The following DTL variants were observed in gnomAD, a reference collection of about 807,000 sequenced individuals.
DTL encodes the protein denticleless protein homolog.
In DTL, 46 loss-of-function variants were observed where a neutral mutation model predicts 87.0. That is an observed-to-expected ratio of 0.53 (90% CI 0.42 to 0.68). The LOEUF is 0.68. Ranked by LOEUF, DTL falls within the 30% of genes least tolerant of loss-of-function variation. The pLI is 0.00. For synonymous variants in DTL, 308 were observed against 311.2 expected (o/e 0.99, Z 0.11); for missense variants, 737 against 869.4 (o/e 0.85, Z 1.91).
chr1:212,094,522 A>G (rs1265951453), intron 13 of DTL, among the ~76,000 whole-genome samples: 3 of 152,188 alleles, frequency 2.0e-5, no homozygotes, highest in Non-Finnish European at 4.4e-5. Context: ...TGTAGTTTGA[A>G]GTCAGGTAAT....
At chr1:212,065,058 G>A in intron 7 of DTL, 29 bp downstream of exon 7, 3 of 1,437,874 alleles carry the variant, frequency 2.1e-6, no homozygotes, top group Non-Finnish European at 2.9e-6. Flanking sequence ...ATACATGTGT[G>A]CAGATCTTAT....
intron 11 of DTL, among the ~76,000 whole-genome samples, chr1:212,075,060 G>T (rs1571966576): frequency 1.3e-5 from 2 of 152,194 alleles, no homozygotes; most frequent in South Asian, 4.1e-4. Context: ...AACTGATTTG[G>T]CATAGTCATT....
intron 8 of DTL, among the ~76,000 whole-genome samples, chr1:212,067,602 A>C (rs1430730890): frequency 6.6e-6 from 1 of 152,156 alleles, no homozygotes; most frequent in African/African-American, 2.4e-5. Context: ...TCTGAACCAA[A>C]TTCTCAGGCA....
Position 212,102,938 on chromosome 1 carries a change from T to C in DTL, c.2191T>C (p.Ter731GlnextTer4). ...FCGPEHSTEL[*>Q] is the part of the protein sequence containing the mutation. The stretch of plus-strand genomic sequence containing the variant: ...TGGTCCTGAACACTCAACAGAATTA[T>C]AGATTCTAATCTGAGTGAGTTACTG... Residue 731 changes from the stop codon to glutamine, a stop_lost, in exon 15 of 15, where the codon TAG becomes CAG. Transcript: ENST00000366991. The C allele has an allele frequency of 1.3e-6, 2 of 1,563,516 alleles. No individual in the cohort carries two copies. The highest frequency in any genetic ancestry group is 1.8e-6 in the Non-Finnish European group (2 of 1,136,222).
chr1:212,047,120 A>G (rs939416540), intron 3 of DTL, 31 bp from the exon 4 acceptor site: 7 of 1,600,718 alleles, frequency 4.4e-6, no homozygotes, highest in Non-Finnish European at 6.0e-6. Context: ...TACAATTTAG[A>G]CATTTCACAT....
At chr1:212,081,303 A>G (rs529717653) in intron 13 of DTL, among the ~76,000 whole-genome samples, 1 of 152,286 alleles carries the variant, frequency 6.6e-6, no homozygotes, top group African/African-American at 2.4e-5. Flanking sequence ...GGCAGATAAA[A>G]GTACACAGGC....
At chr1:212,059,779 C>CAAAAAAAAAAAAAAAAAAACAAAA (rs1668286218) in intron 5 of DTL, among the ~76,000 whole-genome samples, 1 of 80,224 alleles carries the variant, frequency 1.2e-5, no homozygotes. Context: ...AAAGACTCTA[C>CAAAAAAAAAAAAAAAAAAACAAAA]AAAAAAAAAA....
At chr1:212,058,264 C>T (rs1668240435) in intron 5 of DTL, among the ~76,000 whole-genome samples, 1 of 152,178 alleles carries the variant, frequency 6.6e-6, no homozygotes, top group South Asian at 2.1e-4. Context: ...TTCTTCTCAT[C>T]AGCAAACAGA....
intron 5 of DTL, among the ~76,000 whole-genome samples, chr1:212,059,671 G>A (rs1052708306): frequency 6.7e-6 from 1 of 149,330 alleles, no homozygotes; most frequent in African/African-American, 2.5e-5. Flanking sequence ...GTTCTACCCA[G>A]AGCAATCAGG....
chr1:212,065,071 G>A (rs373660724), intron 7 of DTL, 42 bp downstream of exon 7: 4 of 1,394,782 alleles, frequency 2.9e-6, no homozygotes, highest in Non-Finnish European at 4.1e-6. Context: ...GATCTTATCT[G>A]TAGGATAGAA....
chr1:212,078,279 C>T lies in DTL; in HGVS notation c.1125+17C>T. ...TTCACAAAGGTTTGTAAATGAATCT[C>T]TATAGTTGGTTTAAAATGTAGATCA... On this transcript the variant is annotated intron_variant, in intron 12 of 14. Transcript: ENST00000366991. 3.4e-6 allele frequency: 5 copies of T among 1,475,368 alleles called. No individual in the cohort carries two copies. Among genetic ancestry groups the T allele is most frequent in the Non-Finnish European group, 3.8e-6 (4 of 1,057,784 alleles). The allele number at this position is 1,475,368 out of a possible 1,614,324, so 91.4% of individuals were successfully genotyped here. A position where few individuals can be genotyped will look rare whatever the true frequency, so the allele number is the denominator to read the frequency against.
At chr1:212,070,233 T>C (rs776329590) in intron 10 of DTL, among the ~76,000 whole-genome samples, 4 of 152,200 alleles carry the variant, frequency 2.6e-5, no homozygotes, top group Non-Finnish European at 2.9e-5. Flanking sequence ...ACTTCGCTAA[T>C]AATTTAGTAA....
chr1:212,067,870 GAT>G (rs753496600), intron 8 of DTL, among the ~76,000 whole-genome samples: 1 of 152,102 alleles, frequency 6.6e-6, no homozygotes, highest in African/African-American at 2.4e-5. Context: ...TGCTACTTAT[GAT>G]ATCAAAAATA....
chr1:212,047,813 G>A (rs1167656576), intron 5 of DTL, among the ~76,000 whole-genome samples: 6 of 152,214 alleles, frequency 3.9e-5, no homozygotes, highest in African/African-American at 7.2e-5. Flanking sequence ...TAGGATCACA[G>A]GCGTGAGCCG....
chr1:212,090,219 A>T (rs770342560), intron 13 of DTL, among the ~76,000 whole-genome samples: 8 of 152,204 alleles, frequency 5.3e-5, no homozygotes, highest in Non-Finnish European at 1.2e-4. Context: ...CATATGGTTG[A>T]TGAGAAAAGT....
chr1:212,059,564 A>G (rs1213912568), intron 5 of DTL, among the ~76,000 whole-genome samples: 2 of 152,106 alleles, frequency 1.3e-5, no homozygotes, highest in African/African-American at 4.8e-5. Flanking sequence ...AGTTAACACC[A>G]CACTGAATCG....
At chr1:212,038,964 T>A (rs2102522115) in intron 1 of DTL, among the ~76,000 whole-genome samples, 1 of 152,344 alleles carries the variant, frequency 6.6e-6, no homozygotes, top group South Asian at 2.1e-4. Context: ...CAAACTCCTC[T>A]TTATCTGCTG....
intron 5 of DTL, among the ~76,000 whole-genome samples, chr1:212,054,221 T>C (rs961758012): frequency 1.3e-5 from 2 of 152,142 alleles, no homozygotes; most frequent in Non-Finnish European, 2.9e-5. Flanking sequence ...CACGGAATCA[T>C]GGGTTCCCTT....
At chr1:212,086,208 A>G (rs1655125092) in intron 13 of DTL, among the ~76,000 whole-genome samples, 1 of 148,208 alleles carries the variant, frequency 6.7e-6, no homozygotes, top group Non-Finnish European at 1.5e-5. Flanking sequence ...GGAAGTATTG[A>G]CATCGTAATA....
Sources: gnomAD v4.1 joint callset for allele counts (sites outside exome capture counted in the v4.1 genomes callset) on GRCh38, gnomAD v4.1.1 for gene constraint, MANE v1.5 for transcripts, NCBI Gene and HGNC (gene_info 2026-07-23, HGNC 2026-07-21) for gene names.